The following CTNNA2 variants were observed in gnomAD, a reference collection of about 807,000 sequenced individuals.
The protein encoded by CTNNA2 is catenin alpha-2.
In CTNNA2, 42 loss-of-function variants were observed where a neutral mutation model predicts 101.0. The observed-to-expected ratio is 0.42, with a 90% CI of 0.32 to 0.54. CTNNA2 has a LOEUF of 0.54. Among genes scored for constraint, CTNNA2 ranks in the 20% least tolerant of loss-of-function variants. The probability of loss-of-function intolerance (pLI) is 0.14; values close to 1 mark genes in which losing one functional copy is unlikely to be tolerated. For synonymous variants in CTNNA2, 450 were observed against 456.4 expected (o/e 0.99, Z 0.18); for missense variants, 871 against 1,223.1 (o/e 0.71, Z 4.29).
At chr2:80,544,835 G>T in intron 9 of CTNNA2, 147 bp from the exon 10 acceptor site, 1 of 629,504 alleles carries the variant, frequency 1.6e-6, no homozygotes. Flanking sequence ...GTACTAGTTG[G>T]TTCTACATGA....
chr2:80,421,088 A>G (rs1680486132), intron 9 of CTNNA2, among the ~76,000 whole-genome samples: 5 of 152,090 alleles, frequency 3.3e-5, no homozygotes, highest in Admixed American at 2.0e-4. Context: ...TCACTTTCGT[A>G]TTTTGAGAAG....
chr2:79,810,690 A>G (rs1424811952), intron 3 of CTNNA2, among the ~76,000 whole-genome samples: 1 of 147,884 alleles, frequency 6.8e-6, no homozygotes, highest in Non-Finnish European at 1.5e-5. Context: ...CCCCCACTCC[A>G]CAACAGGCCC....
chr2:79,492,650 A>G (rs879801127), intron 4 of CTNNA2, among the ~76,000 whole-genome samples: 1 of 152,148 alleles, frequency 6.6e-6, no homozygotes, highest in Non-Finnish European at 1.5e-5. Context: ...AAGCCCAAAC[A>G]TATAAAGAAG....
At chr2:79,832,671 C>T (rs1298642602) in intron 3 of CTNNA2, among the ~76,000 whole-genome samples, 1 of 152,126 alleles carries the variant, frequency 6.6e-6, no homozygotes, top group Non-Finnish European at 1.5e-5. Context: ...TCATGTGCAT[C>T]CAAACAAAAG....
At chr2:79,772,833 T>C (rs945560946) in intron 3 of CTNNA2, among the ~76,000 whole-genome samples, 3 of 152,174 alleles carry the variant, frequency 2.0e-5, no homozygotes, top group Non-Finnish European at 4.4e-5. Flanking sequence ...CCAAAGCATG[T>C]TTGTCCATTT....
chr2:80,027,428 CAG>C (rs1271047511), intron 7 of CTNNA2, among the ~76,000 whole-genome samples: 1 of 152,224 alleles, frequency 6.6e-6, no homozygotes, highest in Non-Finnish European at 1.5e-5. Flanking sequence ...ACGAAAATGT[CAG>C]AAAGCTTTCA....
intron 1 of CTNNA2, among the ~76,000 whole-genome samples, chr2:79,189,863 G>A (rs1004554738): frequency 6.6e-6 from 1 of 152,086 alleles, no homozygotes; most frequent in African/African-American, 2.4e-5. Flanking sequence ...GATCGCAAAG[G>A]TGCAAAGAAA....
intron 4 of CTNNA2, among the ~76,000 whole-genome samples, chr2:79,406,913 T>C (rs960455414): frequency 6.6e-6 from 1 of 152,002 alleles, no homozygotes; most frequent in Non-Finnish European, 1.5e-5. Context: ...ATGTTCCATC[T>C]CTCTGATGTC....
intron 7 of CTNNA2, among the ~76,000 whole-genome samples, chr2:80,068,768 T>G (rs1230356028): frequency 6.6e-6 from 1 of 152,216 alleles, no homozygotes; most frequent in Non-Finnish European, 1.5e-5. Context: ...CTCAGGAACC[T>G]GATAGTTATT....
intron 2 of CTNNA2, among the ~76,000 whole-genome samples, chr2:79,258,938 T>C (rs1674885604): frequency 6.7e-6 from 1 of 149,842 alleles, no homozygotes; most frequent in Non-Finnish European, 1.5e-5. Flanking sequence ...AAGTTAAAGA[T>C]AAGTGAGGCC....
intron 7 of CTNNA2, among the ~76,000 whole-genome samples, chr2:79,996,509 A>T (rs1692556235): frequency 6.6e-6 from 1 of 152,188 alleles, no homozygotes; most frequent in Non-Finnish European, 1.5e-5. Flanking sequence ...TGTCTTTTGA[A>T]ATGTCAAATC....
In CTNNA2 at chr2:80,647,639, G is replaced by A. The variant is rs201128941; in HGVS notation, c.2629G>A (p.Val877Ile). Residue 877 changes from valine (V) to isoleucine (I), a missense_variant, in exon 19 of 19, where the codon GTC becomes ATC. Val to Ile is a conservative substitution (Grantham distance 29, BLOSUM62 3). Around this residue, in one of 5 missense-constraint regions of CTNNA2, gnomAD observed 25 missense variants for 69.5 expected, o/e 0.36. Transcript: ENST00000402739. ...AGCTAAAAACCTGATGAATGCTGTT[G>A]TCCTCACGGTGAAAGCATCCTATGT... ...QAAKNLMNAVVLTVKASYVAS... is the reference protein window; with the variant it reads ...QAAKNLMNAVILTVKASYVAS... The A allele has an allele frequency of 9.1e-4, 1,468 of 1,613,142 alleles. 3 individuals carry two copies. The highest frequency in any genetic ancestry group is 1.2e-3 in the Non-Finnish European group (1,412 of 1,179,434).
At chr2:79,786,377 A>G (rs1321744033) in intron 3 of CTNNA2, among the ~76,000 whole-genome samples, 1 of 152,132 alleles carries the variant, frequency 6.6e-6, no homozygotes, top group Admixed American at 6.6e-5. Context: ...CCCCAATTTT[A>G]TGCATGTACT....
Position 79,903,294 on chromosome 2 carries a change from T to G in CTNNA2, c.853-6300T>G, listed in dbSNP as rs1685199062. Among the ~76,000 whole-genome samples the G allele has an allele frequency of 2.0e-5, 3 of 152,076 alleles. No homozygotes were observed. The South Asian group carries it at 6.2e-4, about 32-fold the overall frequency. On this transcript the variant is annotated intron_variant, in intron 6 of 18. Coordinates refer to ENST00000402739, the MANE Select transcript of CTNNA2 (RefSeq NM_001282597.3). ...ATAGACACAATCCTGATTTGTAGTTTCCTCACCTCTCTTTTGGGCTCTGAA... is the reference window on the plus strand; with the variant it reads ...ATAGACACAATCCTGATTTGTAGTTGCCTCACCTCTCTTTTGGGCTCTGAA...
chr2:79,944,177 G>C (rs891270329), intron 7 of CTNNA2, among the ~76,000 whole-genome samples: 2 of 152,120 alleles, frequency 1.3e-5, no homozygotes, highest in African/African-American at 2.4e-5. Context: ...GCTAGGTACT[G>C]GGGGATGGGA....
intron 7 of CTNNA2, among the ~76,000 whole-genome samples, chr2:80,017,821 C>T (rs944697428): frequency 3.3e-5 from 5 of 152,036 alleles, no homozygotes; most frequent in African/African-American, 2.4e-5. Flanking sequence ...CAGTAAGCCA[C>T]GAAGTCATTT....
intron 7 of CTNNA2, among the ~76,000 whole-genome samples, chr2:80,177,296 C>T (rs1705455175): frequency 6.6e-6 from 1 of 152,154 alleles, no homozygotes; most frequent in African/African-American, 2.4e-5. Flanking sequence ...GCATTTCATG[C>T]AGGATAGGCA....
chr2:79,361,838 C>T (rs577701959), intron 3 of CTNNA2, among the ~76,000 whole-genome samples: 1 of 152,078 alleles, frequency 6.6e-6, no homozygotes, highest in Middle Eastern at 3.2e-3. Context: ...AGTGTTCTCA[C>T]GTTTTTCTGA....
chr2:80,079,620 T>C (rs1238211185), intron 7 of CTNNA2, among the ~76,000 whole-genome samples: 1 of 152,040 alleles, frequency 6.6e-6, no homozygotes, highest in Admixed American at 6.6e-5. Flanking sequence ...GAGCCCATCC[T>C]GGCTAACACG....
Sources: allele counts gnomAD v4.1 joint callset (sites outside exome capture counted in the v4.1 genomes callset), GRCh38; gene constraint gnomAD v4.1.1; regional missense constraint gnomAD v4.1.1; transcripts MANE v1.5; gene names NCBI Gene and HGNC (gene_info 2026-07-23, HGNC 2026-07-21).